The following ELAPOR2 variants were observed in gnomAD, a reference collection of about 807,000 sequenced individuals.
ELAPOR2 encodes endosome/lysosome-associated apoptosis and autophagy regulator family member 2.
ELAPOR2 carries 89 observed loss-of-function variants against 120.7 expected under a neutral mutation model. That is an observed-to-expected ratio of 0.74 (90% CI 0.62 to 0.88). The LOEUF (loss-of-function observed/expected upper bound fraction) is 0.88, where lower values mean the gene tolerates loss of function less well. Ranked by LOEUF, ELAPOR2 falls within the 40% of genes least tolerant of loss-of-function variation. ELAPOR2 has a pLI of 0.00. For missense variants in ELAPOR2, 1,134 were observed against 1,251.6 expected (o/e 0.91, Z 1.42); for synonymous variants, 444 against 444.9 (o/e 1.00, Z 0.03).
At chr7:86,906,039 T>C (rs1469115753) in intron 18 of ELAPOR2, among the ~76,000 whole-genome samples, 1 of 152,112 alleles carries the variant, frequency 6.6e-6, no homozygotes, top group Non-Finnish European at 1.5e-5. Context: ...TAATCTTCAT[T>C]AACATCATCT....
intron 12 of ELAPOR2, among the ~76,000 whole-genome samples, chr7:86,918,024 T>C (rs1789644480): frequency 6.6e-6 from 1 of 152,160 alleles, no homozygotes; most frequent in Non-Finnish European, 1.5e-5. Context: ...TGCTCTCTTC[T>C]CAATGTTCTA....
In ELAPOR2 at chr7:86,988,721, T is replaced by C. The variant is rs142570323; in HGVS notation, c.190-23697A>G. Among the ~76,000 whole-genome samples the C allele has an allele frequency of 4.6e-5, 7 of 152,348 alleles. No individual in the cohort carries two copies. The East Asian group carries it at 7.7e-4, about 17-fold the overall frequency. On this transcript the variant is annotated intron_variant, in intron 1 of 21. Coordinates refer to ENST00000450689, the MANE Select transcript of ELAPOR2 (RefSeq NM_001142749.3). ...AAACGATAATAAAGTATTCTTGATA[T>C]GTTTACCTTGAGTGTGCCTGACCCC...
intron 1 of ELAPOR2, among the ~76,000 whole-genome samples, chr7:87,050,399 A>G (rs1438024934): frequency 4.6e-5 from 7 of 152,042 alleles, no homozygotes; most frequent in African/African-American, 1.4e-4. Context: ...ATCTAAAAAT[A>G]TGTGGTACCT....
At chr7:87,029,687 G>A (rs181712269) in intron 1 of ELAPOR2, among the ~76,000 whole-genome samples, 1 of 152,184 alleles carries the variant, frequency 6.6e-6, no homozygotes, top group Non-Finnish European at 1.5e-5. Flanking sequence ...TTTCATTCTT[G>A]CTTGTTCAAA....
intron 20 of ELAPOR2, among the ~76,000 whole-genome samples, chr7:86,892,283 C>G (rs1347053326): frequency 6.6e-6 from 1 of 152,132 alleles, no homozygotes; most frequent in South Asian, 2.1e-4. Context: ...GTAATTTGGT[C>G]TTTATCATCT....
intron 2 of ELAPOR2, 111 bp from the exon 3 acceptor site, chr7:86,948,033 C>T (rs570457275): frequency 1.0e-4 from 76 of 725,278 alleles, no homozygotes; most frequent in South Asian, 1.0e-3. Flanking sequence ...CACACTCAAA[C>T]GAAAGCCTTT....
chr7:86,986,712 A>G lies in ELAPOR2; in HGVS notation c.190-21688T>C, dbSNP rs1213088684. Reference sequence around the variant, plus strand: ...AAATAAAAGAGGACACAAACAAATGAAAGAACATTCCATGCTCATGGATAG... The same window carrying G: ...AAATAAAAGAGGACACAAACAAATGGAAGAACATTCCATGCTCATGGATAG... On this transcript the variant is annotated intron_variant, in intron 1 of 21. Coordinates refer to ENST00000450689, the MANE Select transcript of ELAPOR2 (RefSeq NM_001142749.3). Among the ~76,000 whole-genome samples the G allele has an allele frequency of 5.9e-5, 9 of 152,000 alleles. No individual in the cohort carries two copies. In the East Asian group the frequency reaches 1.7e-3, roughly 29 times the overall value.
chr7:87,040,099 G>A (rs1367363008), intron 1 of ELAPOR2, among the ~76,000 whole-genome samples: 3 of 152,106 alleles, frequency 2.0e-5, no homozygotes, highest in East Asian at 1.9e-4. Context: ...ATTATATCCC[G>A]CACCTGGCTC....
intron 8 of ELAPOR2, among the ~76,000 whole-genome samples, chr7:86,932,752 G>T (rs149402145): frequency 6.6e-6 from 1 of 151,806 alleles, no homozygotes; most frequent in Non-Finnish European, 1.5e-5. Context: ...AATAGCTGTC[G>T]CATTTTTTAT....
chr7:86,956,855 C>T (rs564645415), intron 2 of ELAPOR2, among the ~76,000 whole-genome samples: 3 of 152,196 alleles, frequency 2.0e-5, no homozygotes, highest in Admixed American at 2.0e-4. Flanking sequence ...CCCAAGGGGG[C>T]AGAACAATAC....
intron 1 of ELAPOR2, among the ~76,000 whole-genome samples, chr7:87,034,401 T>G (rs1430984013): frequency 1.3e-5 from 2 of 152,118 alleles, no homozygotes; most frequent in African/African-American, 2.4e-5. Context: ...GCTTATTTAG[T>G]GAGATTATGG....
intron 1 of ELAPOR2, among the ~76,000 whole-genome samples, chr7:87,040,075 C>G (rs1041493873): frequency 6.6e-6 from 1 of 152,246 alleles, no homozygotes; most frequent in South Asian, 2.1e-4. Flanking sequence ...GCTTAAAACA[C>G]GGCGCACCAC....
chr7:86,931,989 T>C (rs891196563), intron 8 of ELAPOR2, among the ~76,000 whole-genome samples: 2 of 151,930 alleles, frequency 1.3e-5, no homozygotes, highest in African/African-American at 4.8e-5. Flanking sequence ...AGAATTACAG[T>C]TTGGCCTCCC....
rs1790819918 is a variant in ELAPOR2 at position 86,942,023 on chromosome 7, G to A, written c.736C>T (p.His246Tyr). 1.3e-6 allele frequency: 2 copies of A among 1,540,564 alleles called. No homozygotes were observed. The highest frequency in any genetic ancestry group is 2.4e-5 in the East Asian group (1 of 40,820). Residue 246 changes from histidine (H) to tyrosine (Y), a missense_variant, in exon 5 of 22, where the codon CAT becomes TAT. Physicochemically the swap from His to Tyr is moderately conservative, Grantham distance 83. Around this residue, in one of 3 missense-constraint regions of ELAPOR2, gnomAD observed 280 missense variants for 331.5 expected, o/e 0.84. Transcript: ENST00000450689. ...GGAAATACAAAGAGACTTACAGAAT[G>A]AGAGCCCCATTCTCCATTGTCTGTA... The part of the protein sequence containing the change: ...KLTDNGEWGS[H>Y]SVMLKSGTNI...
intron 21 of ELAPOR2, among the ~76,000 whole-genome samples, chr7:86,884,080 C>T (rs1799572721): frequency 6.6e-6 from 1 of 152,166 alleles, no homozygotes; most frequent in African/African-American, 2.4e-5. Context: ...GACTATACCA[C>T]TGTATGATTC....
chr7:87,022,473 T>C (rs971076472), intron 1 of ELAPOR2, among the ~76,000 whole-genome samples: 17 of 152,096 alleles, frequency 1.1e-4, no homozygotes, highest in African/African-American at 3.6e-4. Flanking sequence ...CTTAATCCAG[T>C]CTATCATTGT....
chr7:86,965,822 T>C (rs1008775472), intron 1 of ELAPOR2: 7 of 985,456 alleles, frequency 7.1e-6, no homozygotes, highest in Non-Finnish European at 8.4e-6. Flanking sequence ...ACTTATTCAG[T>C]TCAAAATCCT....
chr7:86,990,455 A>C (rs1264054521), intron 1 of ELAPOR2, among the ~76,000 whole-genome samples: 1 of 152,114 alleles, frequency 6.6e-6, no homozygotes, highest in Non-Finnish European at 1.5e-5. Flanking sequence ...TTACCATGTG[A>C]CCAGCAAGAA....
chr7:86,935,473 C>A (rs1288918596), intron 8 of ELAPOR2, among the ~76,000 whole-genome samples: 1 of 152,050 alleles, frequency 6.6e-6, no homozygotes, highest in Non-Finnish European at 1.5e-5. Context: ...TGCTGTAGCA[C>A]TAATCCCAAT....
Sources: allele counts gnomAD v4.1 joint callset (sites outside exome capture counted in the v4.1 genomes callset), GRCh38; gene constraint gnomAD v4.1.1; regional missense constraint gnomAD v4.1.1; transcripts MANE v1.5; gene names NCBI Gene and HGNC (gene_info 2026-07-23, HGNC 2026-07-21).